Variants in SLC36A3 observed in about 807,000 individuals in gnomAD.
SLC36A3 encodes the protein solute carrier family 36 member 3.
Under a neutral mutation model 44.3 loss-of-function variants are expected in SLC36A3, and 35 were observed. That is an observed-to-expected ratio of 0.79 (90% CI 0.60 to 1.05). SLC36A3 has a LOEUF of 1.05. SLC36A3 is among the 50% of genes least tolerant of loss of function. The pLI is 0.00. For missense variants in SLC36A3, 540 were observed against 578.7 expected, an observed-to-expected ratio of 0.93 and a Z score of 0.69; for synonymous variants, 211 against 227.6, an observed-to-expected ratio of 0.93 and a Z score of 0.66.
At chr5:151,291,761 C>A (rs72794180) in intron 4 of SLC36A3, among the ~76,000 whole-genome samples, 3,214 of 152,224 alleles carry the variant, frequency 0.021, 42 homozygotes, top group South Asian at 0.04. Context: ...CAGGTAGCAT[C>A]AGTGCATTCT....
Position 151,284,471 on chromosome 5 carries a change from T to C in SLC36A3, c.807+142A>G, listed in dbSNP as rs1580808854. On this transcript the variant is annotated intron_variant, in intron 7 of 9. Coordinates refer to ENST00000335230, the MANE Select transcript of SLC36A3 (RefSeq NM_181774.4). Reference sequence around the variant, plus strand: ...ATATTAGAGCAGTAGGGACCCTGTATGTGGGTACAGACTTTCCCTTCACCA... The same window carrying C: ...ATATTAGAGCAGTAGGGACCCTGTACGTGGGTACAGACTTTCCCTTCACCA... 4.2e-6 allele frequency: 3 copies of C among 710,040 alleles called. No homozygotes were observed. In the East Asian group the frequency reaches 8.1e-5, roughly 19 times the overall value. The allele number at this position is 710,040 out of a possible 1,614,324, so 44.0% of individuals were successfully genotyped here.
intron 4 of SLC36A3, among the ~76,000 whole-genome samples, chr5:151,290,344 T>C (rs1580815876): frequency 1.3e-5 from 2 of 152,334 alleles, no homozygotes; most frequent in South Asian, 2.1e-4. Flanking sequence ...CTTGGCAGTG[T>C]CACATGTGAC....
rs898765989 is a variant in SLC36A3, at chr5:151,302,739, ATTAAAT to A, written c.128+482_128+487del. On this transcript the variant is annotated intron_variant, in intron 1 of 9. Coordinates refer to ENST00000335230, the MANE Select transcript of SLC36A3 (RefSeq NM_181774.4). ...CATGTATCCTGGAACTTAAAATTAA[ATTAAAT>A]TTAATTTAATTAAAAAAAAAGAGAG... is the stretch of plus-strand genomic sequence containing the variant. 9.9e-5 allele frequency among the ~76,000 whole-genome samples: 15 copies of A among 152,238 alleles called. No homozygotes were observed. In the South Asian group the frequency reaches 1.0e-3, roughly 11 times the overall value.
chr5:151,288,741 A>G (rs1672004870), intron 4 of SLC36A3, among the ~76,000 whole-genome samples: 1 of 151,490 alleles, frequency 6.6e-6, no homozygotes, highest in Non-Finnish European at 1.5e-5. Flanking sequence ...AGACGAATGA[A>G]TATTCGTCTA....
At chr5:151,293,798 A>C (rs1045623128) in intron 3 of SLC36A3, among the ~76,000 whole-genome samples, 1 of 152,180 alleles carries the variant, frequency 6.6e-6, no homozygotes, top group African/African-American at 2.4e-5. Flanking sequence ...GGGTGTGGCC[A>C]GGCCAGTGAT....
Position 151,296,168 on chromosome 5 carries a change from C to T in SLC36A3, c.308+12G>A. The T allele has an allele frequency of 1.2e-6, 2 of 1,613,798 alleles. No homozygotes were observed. The highest frequency in any genetic ancestry group is 1.7e-6 in the Non-Finnish European group (2 of 1,179,770). On this transcript the variant is annotated intron_variant, in intron 3 of 9. Transcript: ENST00000335230. ...CCCCAGTGCTGGAATGAGAGAGAAG[C>T]AGGCCTCTGACCTCTGGCTGAGGTG...
In SLC36A3 at chr5:151,299,260, CTCTCTATATATATATA is replaced by C. The variant is rs1191431032; in HGVS notation, c.129-593_129-578del. Among the ~76,000 whole-genome samples the C allele has an allele frequency of 7.2e-3, 472 of 65,438 alleles. 5 individuals are homozygous for C. Among genetic ancestry groups the C allele is most frequent in the Admixed American group, 0.015 (72 of 4,652 alleles). The allele number at this position is 65,438 out of a possible 152,430, so 42.9% of individuals were successfully genotyped here. On this transcript the variant is annotated intron_variant, in intron 1 of 9. Transcript: ENST00000335230. ...TCTCTCTCTCTCTCTCTCTCTCTCTCTCTCTATATATATATATATATATATATATATGAAATGAGCT... is the reference window on the plus strand; with the variant it reads ...TCTCTCTCTCTCTCTCTCTCTCTCTCTATATATATATATATGAAATGAGCT...
At chr5:151,302,371 T>C (rs1755189503) in intron 1 of SLC36A3, among the ~76,000 whole-genome samples, 1 of 152,242 alleles carries the variant, frequency 6.6e-6, no homozygotes. Flanking sequence ...AGCAGTGTGA[T>C]TGACAGTAAG....
intron 3 of SLC36A3, among the ~76,000 whole-genome samples, chr5:151,294,913 G>A (rs1230737964): frequency 6.6e-6 from 1 of 152,098 alleles, no homozygotes; most frequent in Non-Finnish European, 1.5e-5. Flanking sequence ...ATAGGTGTGA[G>A]CCACTGCACC....
At chr5:151,282,484 C>T (rs918814466) in intron 8 of SLC36A3, among the ~76,000 whole-genome samples, 2 of 152,074 alleles carry the variant, frequency 1.3e-5, no homozygotes, top group African/African-American at 4.8e-5. Context: ...CCCAGTATGT[C>T]TTAAAGATTG....
At chr5:151,286,978 G>C (rs745891012) in intron 6 of SLC36A3, among the ~76,000 whole-genome samples, 2 of 152,068 alleles carry the variant, frequency 1.3e-5, no homozygotes, top group Non-Finnish European at 2.9e-5. Flanking sequence ...GATTGCAGAA[G>C]GTATTCAGTA....
chr5:151,293,722 G>A (rs185392516), intron 3 of SLC36A3, among the ~76,000 whole-genome samples: 159 of 152,264 alleles, frequency 1.0e-3, no homozygotes, highest in Admixed American at 1.8e-3. Flanking sequence ...GTGCATTGAC[G>A]TAGATCTGCA....
chr5:151,303,101 T>G (rs1424026534), intron 1 of SLC36A3, 126 bp downstream of exon 1: 2 of 1,208,334 alleles, frequency 1.7e-6, no homozygotes, highest in African/African-American at 1.5e-5. Context: ...GGTTTCATCT[T>G]TTATCCACGC....
In SLC36A3 at chr5:151,277,324, T is replaced by C. The variant is rs1754123948; in HGVS notation, c.*69A>G. On this transcript the variant is annotated 3_prime_UTR_variant, in exon 10 of 10. Transcript: ENST00000335230. ...GAGATGTTGGGATTTGATGAAGGTA[T>C]ATAACATCCACATGGAAGTCAAACT... 6.4e-7 allele frequency: 1 copy of C among 1,573,698 alleles called. No individual in the cohort carries two copies. Among genetic ancestry groups the C allele is most frequent in the Non-Finnish European group, 8.7e-7 (1 of 1,150,360 alleles).
intron 8 of SLC36A3, among the ~76,000 whole-genome samples, chr5:151,281,710 C>T (rs147715726): frequency 0.041 from 6,269 of 152,068 alleles, 151 homozygotes; most frequent in African/African-American, 0.047. Flanking sequence ...CCCAGCTACT[C>T]GGGAGGCTGA....
chr5:151,277,914 C>G (rs1218160414), intron 9 of SLC36A3, among the ~76,000 whole-genome samples: 1 of 152,108 alleles, frequency 6.6e-6, no homozygotes, highest in East Asian at 1.9e-4. Context: ...TACCACTTAC[C>G]TGTTAATAAC....
intron 4 of SLC36A3, among the ~76,000 whole-genome samples, chr5:151,291,179 C>G (rs139375321): frequency 3.2e-4 from 48 of 151,966 alleles, no homozygotes; most frequent in African/African-American, 1.1e-3. Context: ...AGATGGGGTC[C>G]CACCATTTTG....
chr5:151,287,446 C>T lies in SLC36A3; in HGVS notation c.508G>A (p.Val170Met), dbSNP rs142449284. ...CTGGGCTGGCAGATGTTGGAGGTCA[C>T]GTGGGCTTTTTCCACCATCTGACAT... ...NLQQMVEKAHVTSNICQPREI... is the reference protein window; with the variant it reads ...NLQQMVEKAHMTSNICQPREI... Residue 170 changes from valine (V) to methionine (M), a missense_variant, in exon 6 of 10, where the codon GTG becomes ATG. Transcript: ENST00000335230. The T allele has an allele frequency of 2.8e-4, 449 of 1,614,078 alleles. 2 individuals carry two copies. The highest frequency in any genetic ancestry group is 1.2e-3 in the South Asian group (110 of 91,080).
chr5:151,282,657 T>C (rs1196926716), intron 8 of SLC36A3, among the ~76,000 whole-genome samples: 1 of 152,202 alleles, frequency 6.6e-6, no homozygotes, highest in South Asian at 2.1e-4. Context: ...ACTATCCTTG[T>C]ACATATATTA....
Sources: gnomAD v4.1 joint callset for allele counts (sites outside exome capture counted in the v4.1 genomes callset) on GRCh38, gnomAD v4.1.1 for gene constraint, MANE v1.5 for transcripts, NCBI Gene and HGNC (gene_info 2026-07-23, HGNC 2026-07-21) for gene names.